Variants in DNAH14 observed in about 807,000 individuals in gnomAD.
The protein encoded by DNAH14 is axonemal beta dynein heavy chain 14.
DNAH14 carries 478 observed loss-of-function variants against 520.9 expected under a neutral mutation model. The observed-to-expected ratio is 0.92, with a 90% CI of 0.85 to 0.99. The LOEUF (loss-of-function observed/expected upper bound fraction) is 0.99, where lower values mean the gene tolerates loss of function less well. Among genes scored for constraint, DNAH14 ranks in the 50% least tolerant of loss-of-function variants. The pLI is 0.00. For missense variants in DNAH14, 4,831 were observed against 5,234.5 expected, an observed-to-expected ratio of 0.92 and a Z score of 2.38; for synonymous variants, 1,581 against 1,757.2, an observed-to-expected ratio of 0.90 and a Z score of 2.51.
intron 15 of DNAH14, among the ~76,000 whole-genome samples, chr1:225,045,310 A>G (rs902819767): frequency 1.3e-4 from 20 of 151,446 alleles, no homozygotes; most frequent in Admixed American, 2.6e-4. Flanking sequence ...TGAGACTTCT[A>G]TAAGTTGGAA....
chr1:225,252,348 G>A lies in DNAH14; in HGVS notation c.6796G>A (p.Asp2266Asn). The change falls in exon 44 of 86, where the codon GAT (aspartate) becomes AAT (asparagine). Residue 2266 changes from aspartate to asparagine, a missense_variant. By Grantham distance (23) the Asp-to-Asn change is conservative. Coordinates refer to ENST00000682510, the MANE Select transcript of DNAH14 (RefSeq NM_001367479.1). ...ATGTTCCATCTTTGGATATTTTGTG[G>A]ATATAGAGCAATGTGAATTCATACC... ...GECSIFGYFV[D>N]IEQCEFIPWS... 1 of 1,549,970 alleles carries A rather than the reference G, an allele frequency of 6.5e-7. No homozygotes were observed. The highest frequency in any genetic ancestry group is 1.2e-5 in the South Asian group (1 of 83,844).
intron 41 of DNAH14, among the ~76,000 whole-genome samples, chr1:225,211,873 AATTT>A (rs201563428): frequency 0.26 from 37,657 of 147,060 alleles, 5,325 homozygotes; most frequent in East Asian, 0.52. Flanking sequence ...TTCAACCCAG[AATTT>A]ATTTATTTAT....
intron 23 of DNAH14, among the ~76,000 whole-genome samples, chr1:225,112,020 GT>G (rs1386987780): frequency 1.3e-5 from 2 of 151,680 alleles, no homozygotes; most frequent in Non-Finnish European, 2.9e-5. Context: ...AGTTGTTCTA[GT>G]TTTTTTTATT....
chr1:224,966,590 A>G (rs924622145), intron 5 of DNAH14, among the ~76,000 whole-genome samples: 1 of 152,194 alleles, frequency 6.6e-6, no homozygotes, highest in Non-Finnish European at 1.5e-5. Context: ...GCAATAGCTC[A>G]GAATATGGGT....
chr1:225,037,905 A>T (rs563979200), intron 11 of DNAH14, among the ~76,000 whole-genome samples: 1 of 151,726 alleles, frequency 6.6e-6, no homozygotes, highest in East Asian at 1.9e-4. Context: ...TGGTCTCCCA[A>T]CTCCTGACCT....
At chr1:225,385,912 A>G (rs1303951994) in intron 81 of DNAH14, among the ~76,000 whole-genome samples, 5 of 152,180 alleles carry the variant, frequency 3.3e-5, no homozygotes, top group African/African-American at 1.2e-4. Context: ...AAAAGAGCCC[A>G]CATTGCCAAG....
In DNAH14 at chr1:225,220,204, C is replaced by T. The variant is rs2089907234; in HGVS notation, c.6440-10869C>T. 2.6e-5 allele frequency among the ~76,000 whole-genome samples: 4 copies of T among 152,154 alleles called. No individual in the cohort carries two copies. In the South Asian group the frequency reaches 8.3e-4, roughly 32 times the overall value. ...TGACAAACCCACAGCCAATGTCATA[C>T]TGAATGAGCAAAAGCTGGAAGCATT... On this transcript the variant is annotated intron_variant, in intron 41 of 85. Coordinates refer to ENST00000682510, the MANE Select transcript of DNAH14 (RefSeq NM_001367479.1).
chr1:225,362,640 C>T (rs2095506237), intron 75 of DNAH14, among the ~76,000 whole-genome samples: 1 of 150,154 alleles, frequency 6.7e-6, no homozygotes. Context: ...CCATAGTGAT[C>T]TAGCCAAAGT....
chr1:225,168,436 C>G (rs921151046), intron 36 of DNAH14, among the ~76,000 whole-genome samples: 1 of 152,202 alleles, frequency 6.6e-6, no homozygotes, highest in Non-Finnish European at 1.5e-5. Context: ...CCTGGAAAAT[C>G]AGGTCACTCC....
intron 11 of DNAH14, among the ~76,000 whole-genome samples, chr1:225,027,379 G>GC (rs1319583499): frequency 2.0e-5 from 3 of 152,100 alleles, no homozygotes; most frequent in African/African-American, 7.2e-5. Context: ...AGTATGATGT[G>GC]CCTGTGGGTT....
At position 225,309,626 on chromosome 1, in the gene DNAH14, G is replaced by T. The variant is rs373444568; in HGVS notation, c.9240+1216G>T. Among the ~76,000 whole-genome samples the T allele has an allele frequency of 3.3e-5, 5 of 152,160 alleles. 1 individual carries two copies. In the East Asian group the frequency reaches 5.8e-4, roughly 18 times the overall value. On this transcript the variant is annotated intron_variant, in intron 60 of 85. Coordinates refer to ENST00000682510, the MANE Select transcript of DNAH14 (RefSeq NM_001367479.1). ...ATATGAGTAAGGGGCCGAGCGGGGT[G>T]GCTTATGCCTGTAATCCCAGCACTT...
At chr1:225,312,027 T>C (rs1301274485) in intron 60 of DNAH14, among the ~76,000 whole-genome samples, 1 of 152,186 alleles carries the variant, frequency 6.6e-6, no homozygotes, top group African/African-American at 2.4e-5. Context: ...ATCTATAAAT[T>C]ACTTTGAGCA....
intron 36 of DNAH14, among the ~76,000 whole-genome samples, chr1:225,169,452 G>A (rs1177043931): frequency 6.6e-6 from 1 of 152,190 alleles, no homozygotes; most frequent in African/African-American, 2.4e-5. Flanking sequence ...AGTCCTTAAA[G>A]GACCTGATGG....
intron 16 of DNAH14, 76 bp from the exon 17 acceptor site, chr1:225,051,375 A>C: frequency 9.3e-7 from 1 of 1,075,438 alleles, no homozygotes; most frequent in Non-Finnish European, 1.3e-6. Context: ...TTTTGTCAGA[A>C]ACTATTAGCA....
chr1:225,105,929 A>G (rs1413259494), intron 23 of DNAH14, among the ~76,000 whole-genome samples: 1 of 145,754 alleles, frequency 6.9e-6, no homozygotes, highest in Non-Finnish European at 1.5e-5. Context: ...TTCTGTTATT[A>G]TGATGTTAGC....
chr1:225,239,298 A>C (rs1574221437), intron 42 of DNAH14, among the ~76,000 whole-genome samples: 1 of 152,100 alleles, frequency 6.6e-6, no homozygotes, highest in Middle Eastern at 3.4e-3. Flanking sequence ...TGTGTGTGGG[A>C]CCCAAGCCCC....
At chr1:225,237,738 G>A (rs1475843985) in intron 42 of DNAH14, among the ~76,000 whole-genome samples, 1 of 152,054 alleles carries the variant, frequency 6.6e-6, no homozygotes, top group African/African-American at 2.4e-5. Flanking sequence ...TCTCTTTCAA[G>A]AACCCCAATC....
chr1:225,358,282 C>T (rs530358502), intron 73 of DNAH14, among the ~76,000 whole-genome samples: 4 of 152,210 alleles, frequency 2.6e-5, no homozygotes, highest in East Asian at 1.9e-4. Context: ...GCACAGGTAG[C>T]GCTGGTATCT....
In DNAH14 at chr1:225,192,821, A is replaced by G; in HGVS notation, c.5796A>G (p.Thr1932=). Reference sequence around the variant, plus strand: ...GGACTGATGGATTATTATCAGCAACAATTCGAAGTTATGTATATTTTAACA... The same window carrying G: ...GGACTGATGGATTATTATCAGCAACGATTCGAAGTTATGTATATTTTAACA... ...MEWTDGLLSA[T]IRSYVYFNTP... Residue 1932 remains threonine (T), a synonymous_variant, in exon 38 of 86, where the codon ACA becomes ACG. Coordinates refer to ENST00000682510, the MANE Select transcript of DNAH14 (RefSeq NM_001367479.1). 6.5e-7 allele frequency: 1 copy of G among 1,550,368 alleles called. No individual in the cohort carries two copies. Among genetic ancestry groups the G allele is most frequent in the Non-Finnish European group, 8.7e-7 (1 of 1,146,158 alleles).
Sources: allele counts gnomAD v4.1 joint callset (sites outside exome capture counted in the v4.1 genomes callset), GRCh38; gene constraint gnomAD v4.1.1; transcripts MANE v1.5; gene names NCBI Gene and HGNC (gene_info 2026-07-23, HGNC 2026-07-21).